The following CRYBG1 variants were observed in gnomAD, a reference collection of about 807,000 sequenced individuals.
CRYBG1 encodes crystallin beta-gamma domain containing 1, also known as beta/gamma crystallin domain-containing protein 1.
CRYBG1 carries 139 observed loss-of-function variants against 189.2 expected under a neutral mutation model. The observed-to-expected ratio is 0.73, with a 90% confidence interval of 0.64 to 0.85. The LOEUF is 0.85. CRYBG1 is among the 40% of genes least tolerant of loss of function. The pLI, the probability that CRYBG1 is intolerant of heterozygous loss-of-function variation, is 0.00. For missense variants in CRYBG1, 2,611 were observed against 2,675.8 expected (o/e 0.98, Z 0.53); for synonymous variants, 1,023 against 1,017.1 (o/e 1.01, Z -0.11).
chr6:106,543,031 T>A (rs1217918947), intron 10 of CRYBG1, among the ~76,000 whole-genome samples: 1 of 150,244 alleles, frequency 6.7e-6, no homozygotes, highest in Non-Finnish European at 1.5e-5. Flanking sequence ...TAATTTTATT[T>A]TATTTTATTT....
chr6:106,517,159 C>T (rs1773442632), intron 3 of CRYBG1, among the ~76,000 whole-genome samples: 1 of 151,078 alleles, frequency 6.6e-6, no homozygotes, highest in Non-Finnish European at 1.5e-5. Context: ...CAGGCACGCA[C>T]CACTTCACCT....
chr6:106,380,767 G>A (rs1488027667), intron 1 of CRYBG1, among the ~76,000 whole-genome samples: 1 of 152,100 alleles, frequency 6.6e-6, no homozygotes, highest in Non-Finnish European at 1.5e-5. Flanking sequence ...GAATTACATA[G>A]GTTAGTTTAT....
At chr6:106,408,057 A>C (rs547837832) in intron 1 of CRYBG1, among the ~76,000 whole-genome samples, 2 of 152,268 alleles carry the variant, frequency 1.3e-5, no homozygotes, top group South Asian at 2.1e-4. Context: ...GACAGGAAAA[A>C]CCCTTCAGAA....
rs747320605 is a variant in CRYBG1 at position 106,493,194 on chromosome 6, AGACTT to A, written c.313-18233_313-18229del. 2.6e-5 allele frequency among the ~76,000 whole-genome samples: 4 copies of A among 152,318 alleles called. No individual in the cohort carries two copies. In the East Asian group the frequency reaches 5.8e-4, roughly 22 times the overall value. ...AAACAATCTTTAAAAAATGGGCAAA[AGACTT>A]GAATGACATTTCTCCAAAGATAAAT... On this transcript the variant is annotated intron_variant, in intron 2 of 21. Transcript: ENST00000633556.
intron 9 of CRYBG1, among the ~76,000 whole-genome samples, chr6:106,539,798 C>T (rs533095440): frequency 4.6e-5 from 7 of 151,360 alleles, no homozygotes; most frequent in African/African-American, 1.7e-4. Context: ...AAAGCTTCAG[C>T]GCAGTGTAGG....
intron 2 of CRYBG1, among the ~76,000 whole-genome samples, chr6:106,459,272 A>G (rs1471067783): frequency 6.6e-6 from 1 of 152,212 alleles, no homozygotes; most frequent in African/African-American, 2.4e-5. Context: ...ACATATAAAT[A>G]TACAGCAGCC....
intron 1 of CRYBG1, chr6:106,449,342 A>G (rs1771733448): frequency 6.6e-6 from 1 of 152,278 alleles, no homozygotes; most frequent in Non-Finnish European, 1.5e-5. Context: ...AGACTGCCTA[A>G]CATTTGTGGT....
chr6:106,406,073 A>T (rs1205422732), intron 1 of CRYBG1, among the ~76,000 whole-genome samples: 1 of 152,084 alleles, frequency 6.6e-6, no homozygotes, highest in Non-Finnish European at 1.5e-5. Context: ...GTAATAACAA[A>T]CTCCTCTGAG....
At chr6:106,547,431 C>CAG (rs1774290385) in intron 13 of CRYBG1, among the ~76,000 whole-genome samples, 1 of 152,238 alleles carries the variant, frequency 6.6e-6, no homozygotes, top group South Asian at 2.1e-4. Flanking sequence ...GAATCCACAG[C>CAG]AGAGAGAGAT....
At chr6:106,414,753 TGGA>T (rs1000605676) in intron 1 of CRYBG1, among the ~76,000 whole-genome samples, 78 of 152,216 alleles carry the variant, frequency 5.1e-4, no homozygotes, top group African/African-American at 1.7e-3. Context: ...TTTGCAGAAG[TGGA>T]GGAGGTGTTG....
chr6:106,504,209 C>T (rs567704997), intron 2 of CRYBG1, among the ~76,000 whole-genome samples: 1 of 152,070 alleles, frequency 6.6e-6, no homozygotes, highest in Non-Finnish European at 1.5e-5. Flanking sequence ...GACATTCCAC[C>T]CCGGGAGACT....
chr6:106,523,526 C>A lies in CRYBG1; in HGVS notation c.4246-1607C>A, dbSNP rs372082604. Among the ~76,000 whole-genome samples the A allele has an allele frequency of 4.6e-5, 7 of 152,192 alleles. No homozygotes were observed. In the East Asian group the frequency reaches 1.3e-3, roughly 29 times the overall value. ...GAAAAATAAAATCTTTATACTTTTT[C>A]TAGGCCTTTTTATGATTAAAAAATA... On this transcript the variant is annotated intron_variant, in intron 4 of 21. Coordinates refer to ENST00000633556, the MANE Select transcript of CRYBG1 (RefSeq NM_001371242.2).
intron 1 of CRYBG1, among the ~76,000 whole-genome samples, chr6:106,435,132 C>T (rs1403952991): frequency 1.3e-5 from 2 of 152,158 alleles, no homozygotes; most frequent in African/African-American, 2.4e-5. Context: ...TCTGTGTTCT[C>T]CTGTCCCACT....
chr6:106,411,474 T>A (rs1410629000), intron 1 of CRYBG1, among the ~76,000 whole-genome samples: 1 of 152,236 alleles, frequency 6.6e-6, no homozygotes, highest in Admixed American at 6.5e-5. Context: ...TGTATCTACA[T>A]AGACTTTGGG....
chr6:106,363,957 G>A (rs1434245927), intron 1 of CRYBG1, among the ~76,000 whole-genome samples: 1 of 152,054 alleles, frequency 6.6e-6, no homozygotes, highest in African/African-American at 2.4e-5. Context: ...CAAAGCAAAG[G>A]TCTAATGGAA....
intron 2 of CRYBG1, among the ~76,000 whole-genome samples, chr6:106,469,289 G>A (rs976308699): frequency 6.6e-6 from 1 of 152,164 alleles, no homozygotes; most frequent in African/African-American, 2.4e-5. Flanking sequence ...ACTCAGACAT[G>A]ACTGCCTCAA....
At chr6:106,504,884 C>T (rs1344549356) in intron 2 of CRYBG1, among the ~76,000 whole-genome samples, 1 of 151,702 alleles carries the variant, frequency 6.6e-6, no homozygotes, top group East Asian at 1.9e-4. Context: ...ATACACTTAT[C>T]ATGGGAAAAT....
intron 4 of CRYBG1, among the ~76,000 whole-genome samples, chr6:106,522,839 G>C (rs1314372580): frequency 6.6e-6 from 1 of 152,166 alleles, no homozygotes; most frequent in Non-Finnish European, 1.5e-5. Flanking sequence ...ATATGGTTGG[G>C]TTTCCAGCAG....
Position 106,530,163 on chromosome 6 carries a change from T to C in CRYBG1, c.4579-13T>C. ...GTGCAATTCTTACTATCTATGCATC[T>C]ATATTTTTTCAGGATTACAGAGTTA... On this transcript the variant is annotated splice_polypyrimidine_tract_variant and intron_variant, in intron 7 of 21. Coordinates refer to ENST00000633556, the MANE Select transcript of CRYBG1 (RefSeq NM_001371242.2). The C allele has an allele frequency of 1.2e-6, 2 of 1,603,372 alleles. No homozygotes were observed. Among genetic ancestry groups the C allele is most frequent in the South Asian group, 1.1e-5 (1 of 90,274 alleles).
Sources: allele counts gnomAD v4.1 joint callset (sites outside exome capture counted in the v4.1 genomes callset), GRCh38; gene constraint gnomAD v4.1.1; transcripts MANE v1.5; gene names NCBI Gene and HGNC (gene_info 2026-07-23, HGNC 2026-07-21).